RPGRIP1: variants seen among roughly 807,000 people sequenced by gnomAD.
RPGRIP1 encodes X-linked retinitis pigmentosa GTPase regulator-interacting protein 1.
RPGRIP1 carries 128 observed loss-of-function variants against 157.9 expected under a neutral mutation model. The ratio of observed to expected loss-of-function variants is 0.81; its 90% CI spans 0.70 to 0.94. The LOEUF (loss-of-function observed/expected upper bound fraction) is 0.94. RPGRIP1 is among the 40% of genes least tolerant of loss of function. The probability of loss-of-function intolerance (pLI) is 0.00; values close to 1 mark genes in which losing one functional copy is unlikely to be tolerated. For missense variants in RPGRIP1, 1,486 were observed against 1,545.8 expected, an observed-to-expected ratio of 0.96 and a Z score of 0.65; for synonymous variants, 554 against 571.6, an observed-to-expected ratio of 0.97 and a Z score of 0.44.
chr14:21,331,719 G>T (rs1883814307), intron 20 of RPGRIP1, among the ~76,000 whole-genome samples: 1 of 152,050 alleles, frequency 6.6e-6, no homozygotes, highest in Non-Finnish European at 1.5e-5. Flanking sequence ...AGTGCTACCA[G>T]TGTTCTATTT....
intron 14 of RPGRIP1, 70 bp downstream of exon 14, chr14:21,322,074 G>A: frequency 7.2e-7 from 1 of 1,384,418 alleles, no homozygotes; most frequent in Non-Finnish European, 9.9e-7. Flanking sequence ...TCCACTCTGT[G>A]TACTTGTCAA....
chr14:21,322,158 TTTTGCTTG>T (rs908381551), intron 14 of RPGRIP1, among the ~76,000 whole-genome samples, 154 bp downstream of exon 14: 2 of 152,094 alleles, frequency 1.3e-5, no homozygotes, highest in Non-Finnish European at 2.9e-5. Flanking sequence ...TGTTGTTTTT[TTTTGCTTG>T]TTTGCTTTTG....
chr14:21,322,082 C>A, intron 14 of RPGRIP1, 78 bp downstream of exon 14: 1 of 1,261,080 alleles, frequency 7.9e-7, no homozygotes, highest in South Asian at 1.5e-5. Flanking sequence ...GTGTACTTGT[C>A]AAGAAGGGTG....
intron 10 of RPGRIP1, among the ~76,000 whole-genome samples, chr14:21,313,146 T>C (rs950390630): frequency 1.4e-5 from 2 of 141,954 alleles, no homozygotes; most frequent in African/African-American, 5.0e-5. Flanking sequence ...CCCAAATTTT[T>C]TGGGGGGCTG....
chr14:21,304,751 C>T (rs1490285208), intron 6 of RPGRIP1, among the ~76,000 whole-genome samples: 1 of 152,064 alleles, frequency 6.6e-6, no homozygotes, highest in African/African-American at 2.4e-5. Flanking sequence ...ACATCATTAT[C>T]ACCTGACCAT....
Position 21,320,102 on chromosome 14 carries a change from A to G in RPGRIP1, c.1392A>G (p.Thr464=), listed in dbSNP as rs954065821. The change falls in exon 12 of 25, where the codon ACA becomes ACG. Residue 464 remains threonine, a synonymous_variant. Transcript: ENST00000400017. ...QEVELLQNAA[T]ISQPPDRQSE... ...TAGAGCTCCTCCAAAATGCAGCCACAATTTCCCAACCTCCTGACAGGCAAT... is the reference window on the plus strand; with the variant it reads ...TAGAGCTCCTCCAAAATGCAGCCACGATTTCCCAACCTCCTGACAGGCAAT... 4 of 1,613,732 alleles carry G rather than the reference A, an allele frequency of 2.5e-6. No homozygotes were observed. Among genetic ancestry groups the G allele is most frequent in the Non-Finnish European group, 3.4e-6 (4 of 1,179,850 alleles).
intron 6 of RPGRIP1, among the ~76,000 whole-genome samples, chr14:21,305,282 T>C (rs1881252916): frequency 6.6e-6 from 1 of 152,226 alleles, no homozygotes; most frequent in Non-Finnish European, 1.5e-5. Flanking sequence ...TCTTCTAGAA[T>C]GTCATATAGT....
rs1478074392 is a variant in RPGRIP1, at chr14:21,320,078, A to G, written c.1368A>G (p.Val456=). The part of the protein sequence containing the change: ...TNILQKHKQE[V]ELLQNAATIS... Reference sequence around the variant, plus strand: ...TACTTCAGAAGCATAAACAGGAAGTAGAGCTCCTCCAAAATGCAGCCACAA... The same window carrying G: ...TACTTCAGAAGCATAAACAGGAAGTGGAGCTCCTCCAAAATGCAGCCACAA... Residue 456 remains valine (V), a synonymous_variant, in exon 12 of 25, where the codon GTA becomes GTG. Transcript: ENST00000400017. The G allele has an allele frequency of 6.2e-7, 1 of 1,613,656 alleles. No individual in the cohort carries two copies. Among genetic ancestry groups the G allele is most frequent in the Non-Finnish European group, 8.5e-7 (1 of 1,179,712 alleles).
chr14:21,294,753 C>T lies in RPGRIP1; in HGVS notation c.162C>T (p.Arg54=), dbSNP rs765765074. 37 of 1,608,850 alleles carry T rather than the reference C, an allele frequency of 2.3e-5. No individual in the cohort carries two copies. The highest frequency in any genetic ancestry group is 4.5e-5 in the East Asian group (2 of 44,608). ...TGGAGGACAGTTTCTTTCGACTTCG[C>T]GAAGATCACATGTTGGTGAAGGAGC... ...EELEDSFFRL[R]EDHMLVKELS... is the part of the protein sequence containing the mutation. The change falls in exon 3 of 25, where the codon CGC becomes CGT. Residue 54 remains arginine (R), a synonymous_variant. Transcript: ENST00000400017.
chr14:21,311,680 T>A, intron 8 of RPGRIP1, 144 bp from the exon 9 acceptor site: 2 of 546,234 alleles, frequency 3.7e-6, no homozygotes, highest in South Asian at 8.8e-5. Flanking sequence ...AAAACAAGGT[T>A]AACGAACAGT....
At chr14:21,312,400 A>G in intron 9 of RPGRIP1, 33 bp from the exon 10 acceptor site, 1 of 1,511,164 alleles carries the variant, frequency 6.6e-7, no homozygotes, top group Non-Finnish European at 9.1e-7. Flanking sequence ...ATAGATTTTA[A>G]CATTTTATCT....
In RPGRIP1 at chr14:21,311,941, G is replaced by A; in HGVS notation, c.1048G>A (p.Val350Met). 2 of 1,613,338 alleles carry A rather than the reference G, an allele frequency of 1.2e-6. No homozygotes were observed. The highest frequency in any genetic ancestry group is 1.7e-6 in the Non-Finnish European group (2 of 1,179,580). The part of the protein sequence containing the change: ...AVSLKSQLED[V>M]SILQMTLKEF... ...GAGCTTGAAGAGCCAACTGGAAGAT[G>A]TGTCTATCTTGCAGATGACTCTGAA... Residue 350 changes from valine to methionine, a missense_variant, in exon 9 of 25, where the codon GTG becomes ATG. By Grantham distance (21) the Val-to-Met change is conservative. Coordinates refer to ENST00000400017, the MANE Select transcript of RPGRIP1 (RefSeq NM_020366.4).
At chr14:21,342,728 T>A (rs1308482543) in intron 21 of RPGRIP1, among the ~76,000 whole-genome samples, 1 of 151,396 alleles carries the variant, frequency 6.6e-6, no homozygotes, top group Admixed American at 6.6e-5. Context: ...GAATCAGACA[T>A]TTTTTTTTAT....
intron 17 of RPGRIP1, among the ~76,000 whole-genome samples, chr14:21,326,557 A>G (rs573254178): frequency 2.0e-5 from 3 of 152,128 alleles, no homozygotes; most frequent in Admixed American, 6.5e-5. Context: ...TTTAGTAGAG[A>G]TGGGATTTCT....
intron 5 of RPGRIP1, chr14:21,302,857 T>C (rs1418038044): frequency 5.2e-6 from 1 of 192,322 alleles, no homozygotes; most frequent in Non-Finnish European, 1.0e-5. Flanking sequence ...TCATAATTCC[T>C]TTGTTGTGTT....
intron 14 of RPGRIP1, chr14:21,324,178 T>C (rs1045589366): frequency 6.6e-5 from 15 of 228,054 alleles, no homozygotes; most frequent in African/African-American, 3.2e-4. Flanking sequence ...TGGGACTCAA[T>C]GTAATGTCAT....
intron 11 of RPGRIP1, among the ~76,000 whole-genome samples, chr14:21,319,791 C>G (rs1882202918): frequency 6.6e-6 from 1 of 152,208 alleles, no homozygotes; most frequent in African/African-American, 2.4e-5. Context: ...ACTTTCCACT[C>G]TACCATTCTG....
intron 6 of RPGRIP1, among the ~76,000 whole-genome samples, chr14:21,306,121 T>A (rs1881292610): frequency 1.8e-5 from 1 of 56,906 alleles, no homozygotes; most frequent in Non-Finnish European, 3.7e-5. Context: ...TCTTTTTTTT[T>A]TTTTTTTTTT....
intron 2 of RPGRIP1, among the ~76,000 whole-genome samples, chr14:21,291,818 G>A (rs368307294): frequency 2.6e-5 from 4 of 151,930 alleles, no homozygotes; most frequent in Non-Finnish European, 5.9e-5. Context: ...TGGAGGCAAC[G>A]GTGCGATCTT....
Sources: gnomAD v4.1 joint callset for allele counts (sites outside exome capture counted in the v4.1 genomes callset) on GRCh38, gnomAD v4.1.1 for gene constraint, MANE v1.5 for transcripts, NCBI Gene and HGNC (gene_info 2026-07-23, HGNC 2026-07-21) for gene names.